The following RGS6 variants were observed in gnomAD, a reference collection of about 807,000 sequenced individuals.
RGS6 encodes the protein regulator of G-protein signaling 6.
A neutral mutation model predicts 78.5 loss-of-function variants in RGS6; 30 were observed. The observed-to-expected ratio is 0.38, with a 90% CI of 0.29 to 0.52. The LOEUF is 0.52. Ranked by LOEUF, RGS6 falls within the 20% of genes least tolerant of loss-of-function variation. RGS6 has a pLI of 0.85. For synonymous variants in RGS6, 206 were observed against 206.0 expected (o/e 1.00, Z 0.00); for missense variants, 495 against 609.7 (o/e 0.81, Z 1.98).
chr14:72,364,892 G>T (rs1566635430), intron 3 of RGS6, among the ~76,000 whole-genome samples: 2 of 152,192 alleles, frequency 1.3e-5, no homozygotes, highest in African/African-American at 4.8e-5. Context: ...ACTCTCAGAA[G>T]CTCTGGGAAG....
chr14:71,893,382 G>A, the RGS6 span, among the ~76,000 whole-genome samples: 1 of 152,184 alleles, frequency 6.6e-6, no homozygotes, highest in South Asian at 2.1e-4. Context: ...CTAGGATTTT[G>A]ATCTCAAACT....
In RGS6 at chr14:72,138,935, G is replaced by C. The variant is rs548794914; in HGVS notation, c.84+174060G>C. On this transcript the variant is annotated intron_variant, in intron 2 of 17. Coordinates refer to ENST00000553525, the MANE Select transcript of RGS6 (RefSeq NM_001204424.2). ...GGTGAGTATGTAATGATAATAAAGCGTACAATAAATGTAATGTATTTGAAT... is the reference window on the plus strand; with the variant it reads ...GGTGAGTATGTAATGATAATAAAGCCTACAATAAATGTAATGTATTTGAAT... 4.6e-5 allele frequency among the ~76,000 whole-genome samples: 7 copies of C among 152,108 alleles called. No homozygotes were observed. In the South Asian group the frequency reaches 1.2e-3, roughly 27 times the overall value.
At chr14:72,628,295 C>T in the RGS6 span, among the ~76,000 whole-genome samples, 1 of 152,022 alleles carries the variant, frequency 6.6e-6, no homozygotes, top group African/African-American at 2.4e-5. Flanking sequence ...CCCACAATCA[C>T]TATTTTTAAT....
intron 2 of RGS6, among the ~76,000 whole-genome samples, chr14:71,986,127 T>C (rs977887399): frequency 2.6e-5 from 4 of 152,176 alleles, no homozygotes; most frequent in Non-Finnish European, 1.5e-5. Context: ...GCAGTCCTCT[T>C]GGGTAATGCT....
chr14:72,026,412 G>GA (rs950387124), intron 2 of RGS6, among the ~76,000 whole-genome samples: 10 of 146,642 alleles, frequency 6.8e-5, no homozygotes, highest in African/African-American at 1.5e-4. Context: ...ATCTCAAAAA[G>GA]AAAAAAAAAA....
intron 2 of RGS6, among the ~76,000 whole-genome samples, chr14:72,331,786 G>T (rs2075104129): frequency 1.3e-5 from 2 of 152,156 alleles, no homozygotes; most frequent in South Asian, 4.1e-4. Context: ...GGGAAGGAGT[G>T]GCCAATTCAT....
chr14:72,469,897 T>C, intron 7 of RGS6, 110 bp from the exon 8 acceptor site: 1 of 740,194 alleles, frequency 1.4e-6, no homozygotes, highest in Non-Finnish European at 2.4e-6. Flanking sequence ...CAGGTCTTGC[T>C]ATTTTGTTGG....
intron 3 of RGS6, among the ~76,000 whole-genome samples, chr14:72,418,832 T>C (rs1024990027): frequency 1.3e-5 from 2 of 152,200 alleles, no homozygotes; most frequent in African/African-American, 4.8e-5. Flanking sequence ...CATAGCACCA[T>C]ATAGATAAGA....
At chr14:71,934,087 C>T (rs1376613985) in intron 1 of RGS6, among the ~76,000 whole-genome samples, 1 of 152,084 alleles carries the variant, frequency 6.6e-6, no homozygotes, top group East Asian at 1.9e-4. Context: ...GATGTATATT[C>T]TTTATTCTTA....
chr14:72,577,043 A>C, the RGS6 span, among the ~76,000 whole-genome samples: 1 of 152,202 alleles, frequency 6.6e-6, no homozygotes, highest in Non-Finnish European at 1.5e-5. Context: ...CAGGCACCTG[A>C]AGCTGCACCC....
At chr14:72,561,992 C>T (rs2097682233) in intron 17 of RGS6, among the ~76,000 whole-genome samples, 1 of 152,236 alleles carries the variant, frequency 6.6e-6, no homozygotes, top group Non-Finnish European at 1.5e-5. Context: ...TCCTTGGCCA[C>T]CCTCTATTTG....
In RGS6 at chr14:72,488,156, C is replaced by T. The variant is rs138544618; in HGVS notation, c.855-6996C>T. 2.0e-3 allele frequency among the ~76,000 whole-genome samples: 307 copies of T among 152,312 alleles called. 1 individual carries two copies. Among genetic ancestry groups the T allele is most frequent in the Middle Eastern group, 0.01 (3 of 294 alleles). On this transcript the variant is annotated intron_variant, in intron 12 of 17. Transcript: ENST00000553525. ...TCTTCTAATACAATAAATTTCCCTT[C>T]CGACCAGTACCACTCATCTCTGACA...
At chr14:71,920,922 C>T in the RGS6 span, among the ~76,000 whole-genome samples, 1 of 152,118 alleles carries the variant, frequency 6.6e-6, no homozygotes, top group Admixed American at 6.5e-5. Flanking sequence ...AAAGAGGCAA[C>T]ATATGGAATG....
At chr14:72,450,578 A>C (rs1409319393) in intron 3 of RGS6, among the ~76,000 whole-genome samples, 1 of 152,208 alleles carries the variant, frequency 6.6e-6, no homozygotes, top group Admixed American at 6.5e-5. Flanking sequence ...AAGGGTGGCC[A>C]TCCTGCATTT....
At chr14:72,290,382 A>G (rs977114636) in intron 2 of RGS6, among the ~76,000 whole-genome samples, 1 of 152,138 alleles carries the variant, frequency 6.6e-6, no homozygotes, top group South Asian at 2.1e-4. Context: ...ACTTCCCGGC[A>G]TGTTTTCGAT....
chr14:72,369,720 A>C (rs2083093349), intron 3 of RGS6, among the ~76,000 whole-genome samples: 1 of 152,234 alleles, frequency 6.6e-6, no homozygotes, highest in Non-Finnish European at 1.5e-5. Context: ...ATTCAGCTTA[A>C]ATTGCTTAAT....
chr14:72,562,128 T>C (rs932106374), intron 17 of RGS6, among the ~76,000 whole-genome samples: 5 of 152,198 alleles, frequency 3.3e-5, no homozygotes, highest in African/African-American at 1.2e-4. Flanking sequence ...TTTAAATACC[T>C]GGTTTTTGGT....
rs181156769 is a variant in RGS6, at chr14:72,164,873, C to T, written c.85-187222C>T. On this transcript the variant is annotated intron_variant, in intron 2 of 17. Transcript: ENST00000553525. ...GGTAAAACATTTAGAGTTATTTTTC[C>T]GCAGACTTGACAAAGGTGATGGCTG... Among the ~76,000 whole-genome samples the T allele has an allele frequency of 7.9e-5, 12 of 152,162 alleles. No homozygotes were observed. The East Asian group carries it at 1.2e-3, about 15-fold the overall frequency.
intron 1 of RGS6, among the ~76,000 whole-genome samples, chr14:71,946,208 G>T (rs190789253): frequency 3.3e-5 from 5 of 152,282 alleles, no homozygotes; most frequent in African/African-American, 9.6e-5. Flanking sequence ...ATAGCCAGGG[G>T]TATGTGACAG....
Sources: gnomAD v4.1 joint callset for allele counts (sites outside exome capture counted in the v4.1 genomes callset) on GRCh38, gnomAD v4.1.1 for gene constraint, MANE v1.5 for transcripts, NCBI Gene and HGNC (gene_info 2026-07-23, HGNC 2026-07-21) for gene names.